The following NRXN3 variants were observed in gnomAD, a reference collection of about 807,000 sequenced individuals.
NRXN3 encodes the protein neurexin III.
NRXN3 carries 32 observed loss-of-function variants against 137.6 expected under a neutral mutation model. The ratio of observed to expected loss-of-function variants is 0.23; its 90% CI spans 0.18 to 0.31. The LOEUF (loss-of-function observed/expected upper bound fraction) is 0.31, where lower values mean the gene tolerates loss of function less well. Among genes scored for constraint, NRXN3 ranks in the 10% least tolerant of loss-of-function variants. The pLI is 1.00. For synonymous variants in NRXN3, 798 were observed against 784.5 expected (o/e 1.02, Z -0.29); for missense variants, 1,574 against 2,062.5 (o/e 0.76, Z 4.59).
chr14:78,411,115 C>T (rs1463845602), intron 4 of NRXN3, among the ~76,000 whole-genome samples: 1 of 152,158 alleles, frequency 6.6e-6, no homozygotes, highest in African/African-American at 2.4e-5. Flanking sequence ...GCAAGCTTGG[C>T]CAATAGCCAA....
intron 17 of NRXN3, among the ~76,000 whole-genome samples, chr14:79,684,842 T>A (rs2098688512): frequency 6.6e-6 from 1 of 151,222 alleles, no homozygotes; most frequent in South Asian, 2.1e-4. Flanking sequence ...AGGAAGAGGG[T>A]AGATAGAAAT....
chr14:78,235,297 T>C (rs2066126915), intron 1 of NRXN3, among the ~76,000 whole-genome samples: 2 of 152,166 alleles, frequency 1.3e-5, no homozygotes, highest in East Asian at 1.9e-4. Context: ...CACATGATTA[T>C]TTGGCTCTCT....
At chr14:79,737,862 G>C (rs1185980955) in intron 19 of NRXN3, among the ~76,000 whole-genome samples, 4 of 151,964 alleles carry the variant, frequency 2.6e-5, no homozygotes, top group Admixed American at 2.6e-4. Context: ...CCAGCCCATT[G>C]TGCAGTGTTC....
intron 4 of NRXN3, among the ~76,000 whole-genome samples, chr14:78,582,154 G>C (rs890274061): frequency 6.6e-6 from 1 of 152,204 alleles, no homozygotes; most frequent in African/African-American, 2.4e-5. Context: ...TGCAGGACTA[G>C]AGAGAGCTAC....
intron 10 of NRXN3, among the ~76,000 whole-genome samples, chr14:78,858,264 C>T (rs1365218678): frequency 6.6e-6 from 1 of 152,062 alleles, no homozygotes; most frequent in Non-Finnish European, 1.5e-5. Context: ...TGACACCTGT[C>T]TGGGGAATTT....
chr14:78,299,915 A>G (rs1202908598), intron 4 of NRXN3, among the ~76,000 whole-genome samples: 1 of 152,184 alleles, frequency 6.6e-6, no homozygotes, highest in African/African-American at 2.4e-5. Flanking sequence ...TGCTACTAAT[A>G]TTTTAAGTTG....
intron 15 of NRXN3, among the ~76,000 whole-genome samples, chr14:79,458,546 G>A (rs190213589): frequency 6.6e-6 from 1 of 152,126 alleles, no homozygotes; most frequent in East Asian, 1.9e-4. Flanking sequence ...TTTATTTCCT[G>A]TGCATTCACA....
intron 10 of NRXN3, among the ~76,000 whole-genome samples, chr14:78,935,821 T>A (rs780855172): frequency 1.3e-5 from 2 of 152,198 alleles, no homozygotes; most frequent in Non-Finnish European, 2.9e-5. Context: ...TTTTCCAGGC[T>A]GGAAAAGTGT....
chr14:79,754,214 T>A (rs910934061), intron 19 of NRXN3, among the ~76,000 whole-genome samples: 2 of 151,832 alleles, frequency 1.3e-5, no homozygotes, highest in African/African-American at 2.4e-5. Flanking sequence ...TGGTGGCACA[T>A]GGCTGTAATC....
At chr14:79,746,854 A>T (rs768444570) in intron 19 of NRXN3, among the ~76,000 whole-genome samples, 1 of 152,050 alleles carries the variant, frequency 6.6e-6, no homozygotes, top group Non-Finnish European at 1.5e-5. Flanking sequence ...TTCTTAAAGA[A>T]CCCCTAAAAC....
At chr14:79,084,951 T>C (rs752708407) in intron 15 of NRXN3, among the ~76,000 whole-genome samples, 4 of 152,120 alleles carry the variant, frequency 2.6e-5, no homozygotes, top group Admixed American at 6.6e-5. Flanking sequence ...TTAATGTAAA[T>C]GTTTAAGGTA....
chr14:78,705,687 G>C (rs541966938), intron 6 of NRXN3, among the ~76,000 whole-genome samples: 2 of 152,200 alleles, frequency 1.3e-5, no homozygotes, highest in African/African-American at 4.8e-5. Context: ...AAGAGGGACA[G>C]TTTGTGGAAC....
At chr14:79,020,511 T>A (rs981186425) in intron 15 of NRXN3, among the ~76,000 whole-genome samples, 1 of 150,700 alleles carries the variant, frequency 6.6e-6, no homozygotes, top group Non-Finnish European at 1.5e-5. Flanking sequence ...GTGATCCACC[T>A]GCCTCTGCCT....
At chr14:79,236,230 C>T (rs1473412863) in intron 15 of NRXN3, among the ~76,000 whole-genome samples, 2 of 152,038 alleles carry the variant, frequency 1.3e-5, no homozygotes. Flanking sequence ...CTCACCTTCA[C>T]GTTCTCACAA....
chr14:78,975,844 C>G (rs1016916131), intron 14 of NRXN3, among the ~76,000 whole-genome samples: 1 of 152,166 alleles, frequency 6.6e-6, no homozygotes, highest in Non-Finnish European at 1.5e-5. Flanking sequence ...CACATTATGA[C>G]AAAAGATATC....
At chr14:79,628,537 C>A (rs949347839) in intron 16 of NRXN3, among the ~76,000 whole-genome samples, 1 of 152,092 alleles carries the variant, frequency 6.6e-6, no homozygotes, top group African/African-American at 2.4e-5. Context: ...GCCAGCCAGG[C>A]ATAGTTTGTC....
At chr14:79,325,444 A>G (rs969326336) in intron 15 of NRXN3, among the ~76,000 whole-genome samples, 10 of 152,202 alleles carry the variant, frequency 6.6e-5, no homozygotes, top group Non-Finnish European at 1.5e-5. Context: ...GTCTGGACAT[A>G]ATCCTGGTAG....
At chr14:79,225,467 A>T (rs759225180) in intron 15 of NRXN3, among the ~76,000 whole-genome samples, 1 of 152,134 alleles carries the variant, frequency 6.6e-6, no homozygotes, top group Non-Finnish European at 1.5e-5. Flanking sequence ...CCCAGGAATT[A>T]TCATGGAACA....
At chr14:79,795,918 G>A (rs889488031) in intron 19 of NRXN3, among the ~76,000 whole-genome samples, 14 of 152,172 alleles carry the variant, frequency 9.2e-5, no homozygotes, top group South Asian at 6.2e-4. Context: ...GAAGGCATGA[G>A]GGAGGAAAAT....
Sources: allele counts gnomAD v4.1 joint callset (sites outside exome capture counted in the v4.1 genomes callset), GRCh38; gene constraint gnomAD v4.1.1; transcripts MANE v1.5; gene names NCBI Gene and HGNC (gene_info 2026-07-23, HGNC 2026-07-21).